Variants in SHMT1 observed in about 807,000 individuals in gnomAD.
SHMT1 encodes serine hydroxymethyltransferase, cytosolic.
Under a neutral mutation model 49.0 loss-of-function variants are expected in SHMT1, and 45 were observed. That is an observed-to-expected ratio of 0.92 (90% CI 0.72 to 1.18). The LOEUF (loss-of-function observed/expected upper bound fraction) is 1.18, where lower values mean the gene tolerates loss of function less well. SHMT1 is among the 50% of genes most tolerant of loss of function. The probability of loss-of-function intolerance (pLI) is 0.00; values close to 1 mark genes in which losing one functional copy is unlikely to be tolerated. For synonymous variants in SHMT1, 232 were observed against 246.6 expected (o/e 0.94, Z 0.55); for missense variants, 541 against 612.4 (o/e 0.88, Z 1.23).
At chr17:18,356,541 G>T (rs1433191453) in intron 1 of SHMT1, among the ~76,000 whole-genome samples, 2 of 151,872 alleles carry the variant, frequency 1.3e-5, no homozygotes, top group East Asian at 3.9e-4. Flanking sequence ...TTATCACGTT[G>T]GTCAGGCTGG....
At chr17:18,348,946 T>A in intron 3 of SHMT1, among the ~76,000 whole-genome samples, 1 of 143,742 alleles carries the variant, frequency 7.0e-6, no homozygotes, top group African/African-American at 2.6e-5. Flanking sequence ...GCCACTGGAC[T>A]CCAGCCTGGA....
At position 18,337,694 on chromosome 17, in the gene SHMT1, GC is replaced by G. The variant is rs980608247; in HGVS notation, c.815-2020del. Among the ~76,000 whole-genome samples the G allele has an allele frequency of 3.3e-5, 5 of 152,190 alleles. No individual in the cohort carries two copies. In the East Asian group the frequency reaches 7.8e-4, roughly 24 times the overall value. ...CTGCCTGATTCTCCTGCCTCAGCCT[GC>G]CGAGTGCCTGGGATTGCAGGCACGT... On this transcript the variant is annotated intron_variant, in intron 7 of 11. Transcript: ENST00000316694.
intron 1 of SHMT1, among the ~76,000 whole-genome samples, chr17:18,358,163 A>AG (rs1005673329): frequency 6.7e-6 from 1 of 149,432 alleles, no homozygotes; most frequent in Non-Finnish European, 1.5e-5. Flanking sequence ...AAAAAAAAAA[A>AG]AAAGAACTAA....
At chr17:18,352,599 T>C (rs999396097) in intron 3 of SHMT1, among the ~76,000 whole-genome samples, 1 of 151,962 alleles carries the variant, frequency 6.6e-6, no homozygotes, top group Non-Finnish European at 1.5e-5. Context: ...GGCAGGTGGA[T>C]TGCTTGAGCT....
At chr17:18,359,259 C>T (rs1220017388) in intron 1 of SHMT1, among the ~76,000 whole-genome samples, 1 of 150,848 alleles carries the variant, frequency 6.6e-6, no homozygotes, top group Non-Finnish European at 1.5e-5. Flanking sequence ...AAAAAAAGGG[C>T]CTGGTATGGT....
intron 7 of SHMT1, 96 bp downstream of exon 7, chr17:18,339,947 G>T: frequency 8.3e-7 from 1 of 1,212,024 alleles, no homozygotes; most frequent in Non-Finnish European, 1.2e-6. Flanking sequence ...AGGATCCCAG[G>T]TCAGAGTTTT....
In SHMT1 at chr17:18,340,855, A is replaced by G. The variant is rs1984430337; in HGVS notation, c.520-42T>C. 2 of 1,437,590 alleles carry G rather than the reference A, an allele frequency of 1.4e-6. No homozygotes were observed. The highest frequency in any genetic ancestry group is 1.4e-5 in the African/African-American group (1 of 71,186). The allele number at this position is 1,437,590 out of a possible 1,614,324, so 89.1% of individuals were successfully genotyped here. On this transcript the variant is annotated intron_variant, in intron 5 of 11. Coordinates refer to ENST00000316694, the MANE Select transcript of SHMT1 (RefSeq NM_004169.5). The surrounding 1 kb of genome is among the most constrained non-coding windows in gnomAD (Gnocchi z 4.5). Reference sequence around the variant, plus strand: ...AGGCAGGTTCAGGCTGCTTCCTCCAACCACACCTGCCTCCTGTCCTCCCAC... The same window carrying G: ...AGGCAGGTTCAGGCTGCTTCCTCCAGCCACACCTGCCTCCTGTCCTCCCAC...
At chr17:18,339,984 C>A (rs948701196) in intron 7 of SHMT1, 59 bp downstream of exon 7, 25 of 1,536,126 alleles carry the variant, frequency 1.6e-5, no homozygotes, top group Middle Eastern at 1.7e-4. Context: ...TGAATCTGAA[C>A]CCCCACAGGA....
intron 10 of SHMT1, among the ~76,000 whole-genome samples, chr17:18,329,909 T>TG: frequency 6.6e-6 from 1 of 152,322 alleles, no homozygotes; most frequent in Middle Eastern, 3.4e-3. Flanking sequence ...TCGCCTAAGC[T>TG]GGAGTGCAGT....
chr17:18,353,540 C>T (rs1985926872), intron 3 of SHMT1, 132 bp downstream of exon 3: 1 of 918,410 alleles, frequency 1.1e-6, no homozygotes, highest in African/African-American at 1.6e-5. Flanking sequence ...TGTCAGAGAG[C>T]AGGCGTGGAA....
Position 18,347,785 on chromosome 17 carries a change from G to A in SHMT1, c.359-129C>T, listed in dbSNP as rs1985249705. 18 of 967,388 alleles carry A rather than the reference G, an allele frequency of 1.9e-5. No individual in the cohort carries two copies. In the South Asian group the frequency reaches 1.9e-4, roughly 10 times the overall value. 59.9% of individuals were successfully genotyped at this position (967,388 alleles called of 1,614,324 possible). ...GGCCTTGTACCTTCCCTGAGCTCCA[G>A]GAGGTGCCCCTTCACCACCAGCCTT... On this transcript the variant is annotated intron_variant, in intron 4 of 11. Transcript: ENST00000316694.
chr17:18,340,252 G>A lies in SHMT1; in HGVS notation c.605C>T (p.Thr202Ile). The A allele has an allele frequency of 6.2e-7, 1 of 1,614,022 alleles. No homozygotes were observed. The highest frequency in any genetic ancestry group is 8.5e-7 in the Non-Finnish European group (1 of 1,179,934). The change falls in exon 7 of 12, where the codon ACC (threonine) becomes ATC (isoleucine). Residue 202 changes from threonine to isoleucine, a missense_variant. By Grantham distance (89) the Thr-to-Ile change is moderately conservative (BLOSUM62 -1). Transcript: ENST00000316694. This position sits in a 1 kb window ranked among gnomAD's most constrained non-coding sequence, Gnocchi z 4.5. Reference protein sequence around the residue: ...LFHPKLIIAGTSCYSRNLEYA... With the variant: ...LFHPKLIIAGISCYSRNLEYA... ...TTCCAGGTTTCGGGAGTAGCAGCTG[G>A]TTCCTGAGACAGGAAAGGTGACACA... is the stretch of plus-strand genomic sequence containing the variant.
At chr17:18,355,822 A>T in intron 2 of SHMT1, 64 bp downstream of exon 2, 3 of 985,542 alleles carry the variant, frequency 3.0e-6, no homozygotes, top group Non-Finnish European at 3.3e-6. Flanking sequence ...ATTTGTAATT[A>T]GAACTAAAGA....
intron 3 of SHMT1, among the ~76,000 whole-genome samples, chr17:18,350,908 T>G (rs1223395823): frequency 1.3e-5 from 2 of 151,522 alleles, no homozygotes; most frequent in African/African-American, 4.8e-5. Context: ...AATTTTTGTA[T>G]TTTTAGTAGA....
At chr17:18,350,818 C>T (rs995911958) in intron 3 of SHMT1, among the ~76,000 whole-genome samples, 3 of 151,500 alleles carry the variant, frequency 2.0e-5, no homozygotes, top group Non-Finnish European at 4.4e-5. Context: ...CTGCAACCTC[C>T]GCCTCCCAAG....
intron 1 of SHMT1, among the ~76,000 whole-genome samples, chr17:18,361,796 A>G (rs1206471947): frequency 6.6e-6 from 1 of 152,122 alleles, no homozygotes; most frequent in Non-Finnish European, 1.5e-5. Flanking sequence ...AAAAAAAAAA[A>G]AAAAGAAAAT....
chr17:18,328,979 TG>T, intron 11 of SHMT1, 60 bp from the exon 12 acceptor site: 1 of 1,602,276 alleles, frequency 6.2e-7, no homozygotes, highest in South Asian at 1.1e-5. Context: ...GTACAATGGC[TG>T]GGGGCCGAGG....
At position 18,328,802 on chromosome 17, in the gene SHMT1, T is replaced by C. The variant is rs747337735; in HGVS notation, c.1400A>G (p.Glu467Gly). ...YQAAVQALRE[E>G]VESFASLFPL... ...GAAGAGAGAGGCGAAGCTCTCAACC[T>C]CCTCCCGGAGAGCCTGCACGGCCGC... Residue 467 changes from glutamate to glycine, a missense_variant, in exon 12 of 12, where the codon GAG becomes GGG. Physicochemically the swap from Glu to Gly is moderately conservative, Grantham distance 98. Transcript: ENST00000316694. 5 of 1,607,044 alleles carry C rather than the reference T, an allele frequency of 3.1e-6. No homozygotes were observed. The Admixed American group carries it at 8.4e-5, about 27-fold the overall frequency.
In SHMT1 at chr17:18,328,831, G is replaced by A. The variant is rs767200967; in HGVS notation, c.1371C>T (p.Tyr457=). ...CCCGGAGAGCCTGCACGGCCGCCTG[G>A]TACTTATCCCCTGCCAGTCTCTCCT... The part of the protein sequence containing the change: ...EFKERLAGDK[Y]QAAVQALREE... Residue 457 remains tyrosine, a synonymous_variant, in exon 12 of 12, where the codon TAC becomes TAT. Transcript: ENST00000316694. The A allele has an allele frequency of 1.2e-6, 2 of 1,613,666 alleles. No homozygotes were observed. Among genetic ancestry groups the A allele is most frequent in the East Asian group, 4.5e-5 (2 of 44,878 alleles).
Sources: allele counts gnomAD v4.1 joint callset (sites outside exome capture counted in the v4.1 genomes callset), GRCh38; gene constraint gnomAD v4.1.1; non-coding constraint Gnocchi (gnomAD v3.1); transcripts MANE v1.5; gene names NCBI Gene and HGNC (gene_info 2026-07-23, HGNC 2026-07-21).